The following ASTN2 variants were observed in gnomAD, a reference collection of about 807,000 sequenced individuals.
ASTN2 encodes the protein astrotactin 2.
In ASTN2, 54 loss-of-function variants were observed where a neutral mutation model predicts 139.8. That is an observed-to-expected ratio of 0.39 (90% CI 0.31 to 0.48). The LOEUF is 0.48. Among genes scored for constraint, ASTN2 ranks in the 20% least tolerant of loss-of-function variants. The pLI is 0.95. For synonymous variants in ASTN2, 756 were observed against 719.5 expected (o/e 1.05, Z -0.81); for missense variants, 1,565 against 1,725.1 (o/e 0.91, Z 1.64).
intron 13 of ASTN2, among the ~76,000 whole-genome samples, chr9:116,765,008 TTC>T (rs1302459620): frequency 1.3e-5 from 2 of 152,204 alleles, no homozygotes. Flanking sequence ...CCTCATTTAA[TTC>T]TGTGTCAATC....
intron 5 of ASTN2, among the ~76,000 whole-genome samples, chr9:117,049,727 T>G (rs1282507048): frequency 6.6e-6 from 1 of 152,152 alleles, no homozygotes; most frequent in African/African-American, 2.4e-5. Flanking sequence ...TCTTCCCAAG[T>G]GTTAGAAGAA....
chr9:117,413,026 AC>A (rs1381473899), intron 1 of ASTN2, among the ~76,000 whole-genome samples: 1 of 152,114 alleles, frequency 6.6e-6, no homozygotes, highest in Non-Finnish European at 1.5e-5. Context: ...AACCTGCAGG[AC>A]GCTCCGCTGC....
chr9:117,386,708 G>A (rs1375023595), intron 1 of ASTN2, among the ~76,000 whole-genome samples: 3 of 152,074 alleles, frequency 2.0e-5, no homozygotes, highest in Non-Finnish European at 2.9e-5. Flanking sequence ...TGAGGGCAGA[G>A]TGCATGCCAC....
At chr9:116,989,586 GT>G (rs56128640) in intron 7 of ASTN2, among the ~76,000 whole-genome samples, 3,218 of 137,212 alleles carry the variant, frequency 0.023, 84 homozygotes, top group East Asian at 0.15. Context: ...TTATATTTGG[GT>G]TTTTTTTTTT....
chr9:116,877,067 C>G (rs1833322341), intron 10 of ASTN2, among the ~76,000 whole-genome samples: 1 of 152,200 alleles, frequency 6.6e-6, no homozygotes, highest in Non-Finnish European at 1.5e-5. Flanking sequence ...AACCTATCCC[C>G]TCCTTTTTTC....
chr9:117,008,351 TC>T (rs1837420732), intron 6 of ASTN2, 92 bp from the exon 7 acceptor site: 2 of 1,181,484 alleles, frequency 1.7e-6, no homozygotes, highest in South Asian at 2.0e-5. Flanking sequence ...CAAGCCACGT[TC>T]CCCAGGTCAT....
chr9:116,851,471 C>CATCCATCTATCTATCT (rs1554754219), intron 11 of ASTN2, among the ~76,000 whole-genome samples: 4 of 148,882 alleles, frequency 2.7e-5, no homozygotes, highest in African/African-American at 9.9e-5. Flanking sequence ...AATTGCTAAA[C>CATCCATCTATCTATCT]ATCTATCTAT....
At chr9:117,007,914 TC>T (rs1837403279) in intron 7 of ASTN2, among the ~76,000 whole-genome samples, 177 bp downstream of exon 7, 3 of 152,082 alleles carry the variant, frequency 2.0e-5, no homozygotes, top group Admixed American at 2.0e-4. Context: ...TCTAAGAATT[TC>T]CCCCCTTGAA....
At chr9:116,641,066 G>A (rs562290437) in intron 17 of ASTN2, among the ~76,000 whole-genome samples, 1 of 152,176 alleles carries the variant, frequency 6.6e-6, no homozygotes, top group Admixed American at 6.5e-5. Context: ...AAGAAAGGGA[G>A]GCAATTCATG....
At chr9:117,005,267 T>C (rs1837322347) in intron 7 of ASTN2, among the ~76,000 whole-genome samples, 1 of 149,638 alleles carries the variant, frequency 6.7e-6, no homozygotes, top group South Asian at 2.1e-4. Flanking sequence ...TTTTTTTGTA[T>C]TTTAGTAGAC....
chr9:116,816,752 T>C (rs1831340106), intron 12 of ASTN2, among the ~76,000 whole-genome samples: 1 of 152,060 alleles, frequency 6.6e-6, no homozygotes, highest in Admixed American at 6.6e-5. Context: ...AGAGAAAGGA[T>C]GATTTACTCT....
intron 16 of ASTN2, among the ~76,000 whole-genome samples, chr9:116,673,623 C>T (rs1174694143): frequency 6.6e-6 from 1 of 152,112 alleles, no homozygotes; most frequent in Non-Finnish European, 1.5e-5. Context: ...TAGACATATA[C>T]ACAGAGGAAA....
At chr9:117,028,419 GA>G (rs1838156212) in intron 6 of ASTN2, among the ~76,000 whole-genome samples, 1 of 152,168 alleles carries the variant, frequency 6.6e-6, no homozygotes. Context: ...CAGCGCTGGG[GA>G]AGGGGGAGCA....
In ASTN2 at chr9:116,620,363, G is replaced by C; in HGVS notation, c.3153C>G (p.Leu1051=). 6.2e-7 allele frequency: 1 copy of C among 1,614,180 alleles called. No individual in the cohort carries two copies. The highest frequency in any genetic ancestry group is 8.5e-7 in the Non-Finnish European group (1 of 1,180,030). ...GGAGCCCATTGGCATCAAAGGCGCT[G>C]AGGTCACACCTGCACCAGTCATCGA... The part of the protein sequence containing the change: ...DVIDDWCRCD[L]SAFDANGLPN... Residue 1051 remains leucine, a synonymous_variant, in exon 18 of 23, where the codon CTC becomes CTG. Coordinates refer to ENST00000313400, the MANE Select transcript of ASTN2 (RefSeq NM_001365068.1).
Position 116,677,792 on chromosome 9 carries a change from C to T in ASTN2, c.2807-25999G>A, listed in dbSNP as rs186356546. Among the ~76,000 whole-genome samples the T allele has an allele frequency of 2.0e-3, 297 of 152,224 alleles. 15 individuals carry two copies. Among genetic ancestry groups the T allele is most frequent in the Non-Finnish European group, 1.5e-3 (100 of 68,004 alleles). ...CCTTAATTTTGGGTATCTGTCTTTG[C>T]GTTCAGCTGCTTATTTGCTGCTTAT... is the stretch of plus-strand genomic sequence containing the variant. On this transcript the variant is annotated intron_variant, in intron 16 of 22. Coordinates refer to ENST00000313400, the MANE Select transcript of ASTN2 (RefSeq NM_001365068.1).
At chr9:116,437,594 G>A (rs1022459286) in intron 22 of ASTN2, 2 of 470,736 alleles carry the variant, frequency 4.2e-6, no homozygotes, top group Non-Finnish European at 4.4e-6. Context: ...CCAGGAGGCT[G>A]TAAAGACAAA....
intron 20 of ASTN2, among the ~76,000 whole-genome samples, chr9:116,458,847 T>A (rs1045862104): frequency 2.8e-4 from 42 of 152,064 alleles, no homozygotes; most frequent in African/African-American, 9.9e-4. Flanking sequence ...AATTTATCTG[T>A]AGATTCAAAA....
chr9:116,899,455 C>T (rs112077868), intron 10 of ASTN2, among the ~76,000 whole-genome samples: 2 of 152,276 alleles, frequency 1.3e-5, no homozygotes, highest in African/African-American at 4.8e-5. Flanking sequence ...GAATAAATTT[C>T]CTCCCCACAA....
At chr9:116,841,448 C>A (rs1038743741) in intron 11 of ASTN2, among the ~76,000 whole-genome samples, 1 of 152,112 alleles carries the variant, frequency 6.6e-6, no homozygotes, top group Admixed American at 6.5e-5. Flanking sequence ...CTTATGCTGA[C>A]CAGGCTGGTC....
Sources: gnomAD v4.1 joint callset for allele counts (sites outside exome capture counted in the v4.1 genomes callset) on GRCh38, gnomAD v4.1.1 for gene constraint, MANE v1.5 for transcripts, NCBI Gene and HGNC (gene_info 2026-07-23, HGNC 2026-07-21) for gene names.